The following SUSD4 variants were observed in gnomAD, a reference collection of about 807,000 sequenced individuals.
SUSD4 encodes the protein sushi domain containing 4, also known as sushi domain-containing protein 4.
Under a neutral mutation model 50.5 loss-of-function variants are expected in SUSD4, and 41 were observed. That is an observed-to-expected ratio of 0.81 (90% CI 0.63 to 1.05). SUSD4 has a LOEUF of 1.05. Among genes scored for constraint, SUSD4 ranks in the 50% least tolerant of loss-of-function variants. SUSD4 has a pLI of 0.00. For synonymous variants in SUSD4, 257 were observed against 257.3 expected, an observed-to-expected ratio of 1.00 and a Z score of 0.01; for missense variants, 580 against 634.7, an observed-to-expected ratio of 0.91 and a Z score of 0.93.
Position 223,242,114 on chromosome 1 carries a change from G to A in SUSD4, c.725-12726C>T, listed in dbSNP as rs1571864586. On this transcript the variant is annotated intron_variant, in intron 5 of 8. Transcript: ENST00000366878. ...ACATCATTATGCCCAGCTAATTTTT[G>A]TATTTTTTTGTAGAGACAGGGTTTC... Among the ~76,000 whole-genome samples, 4 of 152,176 alleles carry A rather than the reference G, an allele frequency of 2.6e-5. 1 individual carries two copies. Among genetic ancestry groups the A allele is most frequent in the South Asian group, 4.2e-4 (2 of 4,818 alleles).
intron 3 of SUSD4, among the ~76,000 whole-genome samples, chr1:223,277,789 T>C (rs530779445): frequency 6.6e-6 from 1 of 152,262 alleles, no homozygotes; most frequent in South Asian, 2.1e-4. Flanking sequence ...GTGTCTCCAT[T>C]TGGAAAATGA....
chr1:223,316,922 G>C (rs1307590598), intron 2 of SUSD4, among the ~76,000 whole-genome samples: 3 of 152,160 alleles, frequency 2.0e-5, no homozygotes, highest in East Asian at 3.9e-4. Flanking sequence ...GGAGAGGAGG[G>C]GGGCCTTGGA....
At chr1:223,225,533 G>A (rs769801201) in intron 7 of SUSD4, among the ~76,000 whole-genome samples, 10 of 151,900 alleles carry the variant, frequency 6.6e-5, no homozygotes, top group Non-Finnish European at 1.2e-4. Flanking sequence ...AGCTTGCTCC[G>A]AGCCAGACTG....
chr1:223,333,921 T>G (rs1470696912), intron 2 of SUSD4, among the ~76,000 whole-genome samples: 5 of 152,106 alleles, frequency 3.3e-5, no homozygotes, highest in Non-Finnish European at 7.3e-5. Flanking sequence ...ATGTGGACAT[T>G]AGGGAACCAC....
chr1:223,275,798 A>G (rs2103100905), intron 3 of SUSD4, among the ~76,000 whole-genome samples: 1 of 152,320 alleles, frequency 6.6e-6, no homozygotes, highest in South Asian at 2.1e-4. Context: ...GACTGAATAG[A>G]CTGAAGAATA....
intron 2 of SUSD4, among the ~76,000 whole-genome samples, chr1:223,308,816 G>T (rs939297958): frequency 5.3e-5 from 8 of 152,192 alleles, no homozygotes; most frequent in Non-Finnish European, 1.0e-4. Flanking sequence ...TCTGAGGTGG[G>T]CCTGCAATAC....
intron 2 of SUSD4, among the ~76,000 whole-genome samples, chr1:223,308,011 TC>T (rs558552126): frequency 9.5e-4 from 144 of 152,356 alleles, no homozygotes; most frequent in African/African-American, 3.4e-3. Context: ...AAATCCTTTA[TC>T]TGAATATAGT....
chr1:223,227,782 T>G lies in SUSD4; in HGVS notation c.917-44A>C. The G allele has an allele frequency of 6.4e-7, 1 of 1,562,704 alleles. No individual in the cohort carries two copies. The highest frequency in any genetic ancestry group is 8.7e-7 in the Non-Finnish European group (1 of 1,147,714). On this transcript the variant is annotated intron_variant, in intron 6 of 8. Transcript: ENST00000366878. This position sits in a 1 kb window ranked among gnomAD's most constrained non-coding sequence, Gnocchi z 4.5. Reference sequence around the variant, plus strand: ...AGCTGTACGTGAGGCTCCCAGACCATGAGAGGTGCCGAGGTTCCCCGTGGG... The same window carrying G: ...AGCTGTACGTGAGGCTCCCAGACCAGGAGAGGTGCCGAGGTTCCCCGTGGG...
intron 2 of SUSD4, among the ~76,000 whole-genome samples, chr1:223,340,919 C>T (rs562504094): frequency 9.8e-5 from 15 of 152,296 alleles, no homozygotes; most frequent in African/African-American, 3.4e-4. Context: ...CACCTAATTC[C>T]CTCTGTGTTA....
rs1185958972 is a variant in SUSD4, at chr1:223,221,023, G to A, written c.*1169C>T. 5.0e-6 allele frequency: 2 copies of A among 400,658 alleles called. No homozygotes were observed. The highest frequency in any genetic ancestry group is 8.8e-5 in the Admixed American group (2 of 22,726). The allele number at this position is 400,658 out of a possible 1,614,324, so 24.8% of individuals were successfully genotyped here. A position where few individuals can be genotyped will look rare whatever the true frequency, so the allele number is the denominator to read the frequency against. On this transcript the variant is annotated 3_prime_UTR_variant, in exon 9 of 9. Transcript: ENST00000366878. ...TGAAGAGACACTTCAGGACACTTTG[G>A]GAAATTTTTTAATCAATCAGTTTCT...
At chr1:223,351,595 G>A (rs911994043) in intron 2 of SUSD4, among the ~76,000 whole-genome samples, 10 of 152,142 alleles carry the variant, frequency 6.6e-5, no homozygotes, top group Admixed American at 5.9e-4. Flanking sequence ...CTGACAGAGG[G>A]GCGCCCAGAT....
chr1:223,318,829 A>G (rs1666393526), intron 2 of SUSD4, among the ~76,000 whole-genome samples: 1 of 132,686 alleles, frequency 7.5e-6, no homozygotes, highest in African/African-American at 2.9e-5. Context: ...GAACCAAAAA[A>G]GAGCCCGCAT....
intron 2 of SUSD4, among the ~76,000 whole-genome samples, chr1:223,343,231 C>T (rs772255183): frequency 6.6e-6 from 1 of 152,184 alleles, no homozygotes; most frequent in Non-Finnish European, 1.5e-5. Context: ...CACCTCTCCA[C>T]GCAAAGCTAA....
At chr1:223,248,683 T>C (rs1457908941) in intron 5 of SUSD4, among the ~76,000 whole-genome samples, 1 of 152,180 alleles carries the variant, frequency 6.6e-6, no homozygotes, top group Non-Finnish European at 1.5e-5. Flanking sequence ...GGATGGAGCA[T>C]GGTGTTTACC....
At position 223,242,042 on chromosome 1, in the gene SUSD4, A is replaced by G. The variant is rs193030522; in HGVS notation, c.725-12654T>C. On this transcript the variant is annotated intron_variant, in intron 5 of 8. Transcript: ENST00000366878. ...CTGCAGCCTCAACCTCCTGGGCTCA[A>G]GTGATCCTCTGACCTCAGCCTCCCA... Among the ~76,000 whole-genome samples, 175 of 152,290 alleles carry G rather than the reference A, an allele frequency of 1.1e-3. 1 individual carries two copies. The highest frequency in any genetic ancestry group is 3.9e-3 in the African/African-American group (163 of 41,552).
chr1:223,246,083 G>A (rs1571873651), intron 5 of SUSD4, among the ~76,000 whole-genome samples: 2 of 152,100 alleles, frequency 1.3e-5, no homozygotes, highest in Admixed American at 1.3e-4. Flanking sequence ...TTACAGCCAC[G>A]GGACTGCACG....
chr1:223,321,442 C>T (rs1251386376), intron 2 of SUSD4, among the ~76,000 whole-genome samples: 1 of 152,228 alleles, frequency 6.6e-6, no homozygotes, highest in Non-Finnish European at 1.5e-5. Context: ...TTCTATGTAG[C>T]TCACTGAGAA....
chr1:223,345,641 T>C (rs1159702343), intron 2 of SUSD4, among the ~76,000 whole-genome samples: 2 of 152,250 alleles, frequency 1.3e-5, no homozygotes, highest in African/African-American at 2.4e-5. Context: ...AACGCCGACG[T>C]CCGGCTTTCT....
chr1:223,287,729 T>C (rs1256809024), intron 3 of SUSD4, among the ~76,000 whole-genome samples: 2 of 152,108 alleles, frequency 1.3e-5, no homozygotes, highest in Non-Finnish European at 2.9e-5. Context: ...TTACCTGAAG[T>C]TTACTTGAAA....
Sources: gnomAD v4.1 joint callset for allele counts (sites outside exome capture counted in the v4.1 genomes callset) on GRCh38, gnomAD v4.1.1 for gene constraint, Gnocchi (gnomAD v3.1) non-coding constraint, MANE v1.5 for transcripts, NCBI Gene and HGNC (gene_info 2026-07-23, HGNC 2026-07-21) for gene names.